DYNC1H1: variants seen among roughly 807,000 people sequenced by gnomAD.
The protein encoded by DYNC1H1 is dynein cytoplasmic 1 heavy chain 1.
DYNC1H1 carries 51 observed loss-of-function variants against 527.1 expected under a neutral mutation model. That is an observed-to-expected ratio of 0.10 (90% CI 0.08 to 0.12). The LOEUF (loss-of-function observed/expected upper bound fraction) is 0.12, where lower values mean the gene tolerates loss of function less well. Among genes scored for constraint, DYNC1H1 ranks in the 10% least tolerant of loss-of-function variants. The pLI, the probability that DYNC1H1 is intolerant of heterozygous loss-of-function variation, is 1.00. For synonymous variants in DYNC1H1, 2,189 were observed against 2,278.8 expected (o/e 0.96, Z 1.12); for missense variants, 2,771 against 5,971.8 (o/e 0.46, Z 17.66).
At position 102,018,899 on chromosome 14, in the gene DYNC1H1, C is replaced by T. The variant is rs1159719096; in HGVS notation, c.8343+283C>T. ...CCTGGAGGCAGAGCTTACGATGAGCCATGATTGTGCCACTGCACCAGCCTG... is the reference window on the plus strand; with the variant it reads ...CCTGGAGGCAGAGCTTACGATGAGCTATGATTGTGCCACTGCACCAGCCTG... On this transcript the variant is annotated intron_variant, in intron 41 of 77. Transcript: ENST00000360184. This position sits in a 1 kb window ranked among gnomAD's most constrained non-coding sequence, Gnocchi z 5.2. Among the ~76,000 whole-genome samples, 1 of 152,112 alleles carries T rather than the reference C, an allele frequency of 6.6e-6. No individual in the cohort carries two copies. Among genetic ancestry groups the T allele is most frequent in the East Asian group, 1.9e-4 (1 of 5,190 alleles).
At chr14:101,998,242 C>T (rs1411057763) in intron 16 of DYNC1H1, among the ~76,000 whole-genome samples, 1 of 149,466 alleles carries the variant, frequency 6.7e-6, no homozygotes, top group Non-Finnish European at 1.5e-5. Context: ...TCCGATAATA[C>T]AAACGCCTGG....
At chr14:102,046,278 T>C (rs2048717445) in intron 72 of DYNC1H1, among the ~76,000 whole-genome samples, 2 of 151,626 alleles carry the variant, frequency 1.3e-5, no homozygotes, top group South Asian at 4.2e-4. Flanking sequence ...GCACTACACG[T>C]GGGGTTGACA....
chr14:101,969,404 A>C (rs1190044562), intron 1 of DYNC1H1: 3 of 154,704 alleles, frequency 1.9e-5, no homozygotes, highest in Non-Finnish European at 4.3e-5. Context: ...TGTAATCCAC[A>C]TTCACTGAGT....
chr14:102,001,546 G>T lies in DYNC1H1; in HGVS notation c.4407G>T (p.Val1469=), dbSNP rs1056990454. 6.2e-7 allele frequency: 1 copy of T among 1,614,046 alleles called. No individual in the cohort carries two copies. Among genetic ancestry groups the T allele is most frequent in the East Asian group, 2.2e-5 (1 of 44,902 alleles). The change falls in exon 21 of 78, where the codon GTG becomes GTT. Residue 1469 remains valine (V), a synonymous_variant. Coordinates refer to ENST00000360184, the MANE Select transcript of DYNC1H1 (RefSeq NM_001376.5). The surrounding 1 kb of genome is among the most constrained non-coding windows in gnomAD (Gnocchi z 5.0). ...LEEFLKQIRE[V]WNTYELDLVN... ...TGGTTTGAATTCAGATAAGAGAAGT[G>T]TGGAATACTTATGAACTAGACTTGG...
chr14:102,047,621 G>GTATGTT (rs1491539191), intron 72 of DYNC1H1, 196 bp from the exon 73 acceptor site: 1 of 256,776 alleles, frequency 3.9e-6, no homozygotes, highest in African/African-American at 3.8e-5. Context: ...ATATATACAC[G>GTATGTT]TGTGTGTGTG....
chr14:102,002,550 A>T lies in DYNC1H1; in HGVS notation c.4556A>T (p.Asp1519Val). The T allele has an allele frequency of 6.2e-7, 1 of 1,614,132 alleles. No individual in the cohort carries two copies. Among genetic ancestry groups the T allele is most frequent in the Non-Finnish European group, 8.5e-7 (1 of 1,179,998 alleles). ...LSPYYKVFEE[D>V]ALSWEDKLNR... ...TCTGCCCACCAGGTTTTTGAAGAGG[A>T]TGCTCTCAGCTGGGAAGATAAGCTG... Residue 1519 changes from aspartate to valine, a missense_variant, in exon 22 of 78, where the codon GAT becomes GTT. By Grantham distance (152) the Asp-to-Val change is radical. Around this residue, in one of 32 missense-constraint regions of DYNC1H1, gnomAD observed 51 missense variants for 189.2 expected, o/e 0.27. Transcript: ENST00000360184. The surrounding 1 kb of genome is among the most constrained non-coding windows in gnomAD (Gnocchi z 4.4).
Position 102,027,006 on chromosome 14 carries a change from T to C in DYNC1H1, c.8772-168T>C, listed in dbSNP as rs1356729797. ...TCTAGAGGACAGGACCGTGTCTTAC[T>C]GGTCTTTGCATTCCTCCTGGACTTC... On this transcript the variant is annotated intron_variant, in intron 44 of 77. Coordinates refer to ENST00000360184, the MANE Select transcript of DYNC1H1 (RefSeq NM_001376.5). The surrounding 1 kb of genome is among the most constrained non-coding windows in gnomAD (Gnocchi z 7.7). 2.2e-6 allele frequency: 2 copies of C among 890,654 alleles called. No homozygotes were observed. The highest frequency in any genetic ancestry group is 4.8e-5 in the East Asian group (2 of 41,352). The allele number at this position is 890,654 out of a possible 1,614,324, so 55.2% of individuals were successfully genotyped here.
rs10147313 is a variant in DYNC1H1, at chr14:102,040,446, G to C, written c.11865+36G>C. The C allele has an allele frequency of 0.017, 27,993 of 1,613,936 alleles. 982 individuals are homozygous for C. Among genetic ancestry groups the C allele is most frequent in the African/African-American group, 0.15 (10,904 of 74,996 alleles). On this transcript the variant is annotated intron_variant, in intron 63 of 77. Coordinates refer to ENST00000360184, the MANE Select transcript of DYNC1H1 (RefSeq NM_001376.5). ...TCTTGAATGTTCCCAGTAGGTAAAT[G>C]TTGGCCTTTTCCCAGGAAATGTAAG...
intron 23 of DYNC1H1, 150 bp from the exon 24 acceptor site, chr14:102,004,368 A>T: frequency 2.4e-6 from 2 of 849,320 alleles, no homozygotes; most frequent in East Asian, 2.7e-5. Flanking sequence ...GCCAAGGGCT[A>T]GAAGAAATTC....
Position 101,965,037 on chromosome 14 carries a change from G to GCTCCTCCC in DYNC1H1, c.256+90_256+91insCTCCTCCC. 1.5e-6 allele frequency: 2 copies of GCTCCTCCC among 1,374,128 alleles called. No individual in the cohort carries two copies. The highest frequency in any genetic ancestry group is 2.0e-6 in the Non-Finnish European group (2 of 1,014,518). 85.1% of individuals were successfully genotyped at this position (1,374,128 alleles called of 1,614,324 possible). A position where few individuals can be genotyped will look rare whatever the true frequency, so the allele number is the denominator to read the frequency against. On this transcript the variant is annotated intron_variant, in intron 1 of 77. Transcript: ENST00000360184. This position sits in a 1 kb window ranked among gnomAD's most constrained non-coding sequence, Gnocchi z 4.1. ...CCTCCGGGGTCGCAGATGTCCCCGG[G>GCTCCTCCC]ATGGGAGGAGCCCGGCAGCTGCAGA...
At chr14:102,009,470 A>C (rs867710191) in intron 29 of DYNC1H1, 1 of 270,314 alleles carries the variant, frequency 3.7e-6, no homozygotes. Flanking sequence ...GGTAATTCCC[A>C]TGATGTAAGC....
chr14:102,001,801 T>A lies in DYNC1H1; in HGVS notation c.4542+120T>A. 5 of 1,354,132 alleles carry A rather than the reference T, an allele frequency of 3.7e-6. No homozygotes were observed. The highest frequency in any genetic ancestry group is 5.1e-6 in the Non-Finnish European group (5 of 970,922). The allele number at this position is 1,354,132 out of a possible 1,614,324, so 83.9% of individuals were successfully genotyped here. On this transcript the variant is annotated intron_variant, in intron 21 of 77. Coordinates refer to ENST00000360184, the MANE Select transcript of DYNC1H1 (RefSeq NM_001376.5). This position sits in a 1 kb window ranked among gnomAD's most constrained non-coding sequence, Gnocchi z 5.0. ...TTATTGTATTTTTTGAGACAGGGTC[T>A]CACTCTGTCTCCCACGCTGGAGTGC...
At chr14:102,032,218 T>A in intron 51 of DYNC1H1, 54 bp from the exon 52 acceptor site, 1 of 1,609,742 alleles carries the variant, frequency 6.2e-7, no homozygotes, top group East Asian at 2.2e-5. Context: ...CTCACCATGC[T>A]TTGCTCTATC....
Position 101,964,754 on chromosome 14 carries a change from G to A in DYNC1H1, c.63G>A (p.Val21=), listed in dbSNP as rs766704602. Residue 21 remains valine (V), a synonymous_variant, in exon 1 of 78, where the codon GTG becomes GTA. Coordinates refer to ENST00000360184, the MANE Select transcript of DYNC1H1 (RefSeq NM_001376.5). This position sits in a 1 kb window ranked among gnomAD's most constrained non-coding sequence, Gnocchi z 5.5. The part of the protein sequence containing the change: ...DGSAGLEVSA[V]QNVADVSVLQ... ...CGGCCGGATTGGAAGTGTCGGCCGT[G>A]CAGAATGTGGCGGACGTGTCGGTGC... The A allele has an allele frequency of 3.8e-6, 6 of 1,599,022 alleles. No individual in the cohort carries two copies. The highest frequency in any genetic ancestry group is 5.1e-6 in the Non-Finnish European group (6 of 1,176,208).
intron 51 of DYNC1H1, 143 bp from the exon 52 acceptor site, chr14:102,032,129 T>C: frequency 1.0e-6 from 1 of 969,816 alleles, no homozygotes; most frequent in Non-Finnish European, 1.6e-6. Context: ...CAGAAAAGTC[T>C]CTCATTTCTT....
rs1052437015 is a variant in DYNC1H1 at position 102,049,976 on chromosome 14, G to T, written c.13684+94G>T. On this transcript the variant is annotated intron_variant, in intron 76 of 77. Coordinates refer to ENST00000360184, the MANE Select transcript of DYNC1H1 (RefSeq NM_001376.5). The surrounding 1 kb of genome is among the most constrained non-coding windows in gnomAD (Gnocchi z 5.5). ...CAGATACATGCACTTAGGGTGACCG[G>T]CTGGCAGTTGGGTGGAGCCTCTGGG... is the stretch of plus-strand genomic sequence containing the variant. 10 of 1,480,034 alleles carry T rather than the reference G, an allele frequency of 6.8e-6. No individual in the cohort carries two copies. In the Admixed American group the frequency reaches 2.5e-4, roughly 37 times the overall value. The allele number at this position is 1,480,034 out of a possible 1,614,324, so 91.7% of individuals were successfully genotyped here.
chr14:101,974,953 CAG>C (rs2047783441), intron 1 of DYNC1H1, among the ~76,000 whole-genome samples: 2 of 152,230 alleles, frequency 1.3e-5, no homozygotes, highest in South Asian at 4.1e-4. Flanking sequence ...AAACCCAGAA[CAG>C]ACTCAGATAA....
intron 1 of DYNC1H1, among the ~76,000 whole-genome samples, chr14:101,974,217 A>C (rs2047774733): frequency 6.6e-6 from 1 of 152,166 alleles, no homozygotes; most frequent in African/African-American, 2.4e-5. Flanking sequence ...CGCCTGCCTC[A>C]GCTTCCCGAG....
In DYNC1H1 at chr14:102,033,885, C is replaced by T. The variant is rs1197683481; in HGVS notation, c.10414-91C>T. ...GCACGTTTCTAACCCACCCAAAACC[C>T]TGCACATAATGTGGATGAACCGATT... is the stretch of plus-strand genomic sequence containing the variant. On this transcript the variant is annotated intron_variant, in intron 54 of 77. Coordinates refer to ENST00000360184, the MANE Select transcript of DYNC1H1 (RefSeq NM_001376.5). This position sits in a 1 kb window ranked among gnomAD's most constrained non-coding sequence, Gnocchi z 5.6. 4.1e-6 allele frequency: 6 copies of T among 1,450,484 alleles called. No individual in the cohort carries two copies. 89.9% of individuals were successfully genotyped at this position (1,450,484 alleles called of 1,614,324 possible). A position where few individuals can be genotyped will look rare whatever the true frequency, so the allele number is the denominator to read the frequency against.
Sources: allele counts gnomAD v4.1 joint callset (sites outside exome capture counted in the v4.1 genomes callset), GRCh38; gene constraint gnomAD v4.1.1; regional missense constraint gnomAD v4.1.1; non-coding constraint Gnocchi (gnomAD v3.1); transcripts MANE v1.5; gene names NCBI Gene and HGNC (gene_info 2026-07-23, HGNC 2026-07-21).